The following ALK variants were observed in gnomAD, a reference collection of about 807,000 sequenced individuals.
ALK encodes the protein ALK receptor tyrosine kinase.
ALK carries 74 observed loss-of-function variants against 163.1 expected under a neutral mutation model. That is an observed-to-expected ratio of 0.45 (90% CI 0.38 to 0.55). The LOEUF (loss-of-function observed/expected upper bound fraction) is 0.55. ALK is among the 20% of genes least tolerant of loss of function. The probability of loss-of-function intolerance (pLI) is 0.00; values close to 1 mark genes in which losing one functional copy is unlikely to be tolerated. For missense variants in ALK, 2,063 were observed against 2,105.3 expected, an observed-to-expected ratio of 0.98 and a Z score of 0.39; for synonymous variants, 960 against 843.2, an observed-to-expected ratio of 1.14 and a Z score of -2.40.
intron 3 of ALK, among the ~76,000 whole-genome samples, chr2:29,682,024 C>T (rs772440731): frequency 6.6e-6 from 1 of 152,196 alleles, no homozygotes; most frequent in Non-Finnish European, 1.5e-5. Context: ...ATGTGTCACA[C>T]AAAAGACCAA....
At chr2:29,603,408 G>C (rs1675432704) in intron 3 of ALK, among the ~76,000 whole-genome samples, 2 of 152,162 alleles carry the variant, frequency 1.3e-5, no homozygotes, top group Non-Finnish European at 2.9e-5. Flanking sequence ...CCTGCTCTCT[G>C]TCATGTGATG....
rs1664035556 is a variant in ALK at position 29,227,365 on chromosome 2, C to A, written c.2914+209G>T. Among the ~76,000 whole-genome samples the A allele has an allele frequency of 6.6e-6, 1 of 152,198 alleles. No homozygotes were observed. Among genetic ancestry groups the A allele is most frequent in the African/African-American group, 2.4e-5 (1 of 41,454 alleles). ...TGCAGGTATTGGGCTATTACTGTTA[C>A]ATTTCCTAGGATTCTGCCTCTGCAT... is the stretch of plus-strand genomic sequence containing the variant. On this transcript the variant is annotated intron_variant, in intron 17 of 28. Coordinates refer to ENST00000389048, the MANE Select transcript of ALK (RefSeq NM_004304.5). This position sits in a 1 kb window ranked among gnomAD's most constrained non-coding sequence, Gnocchi z 4.4.
At chr2:29,198,471 C>T (rs1228802170) in intron 26 of ALK, among the ~76,000 whole-genome samples, 1 of 152,190 alleles carries the variant, frequency 6.6e-6, no homozygotes, top group African/African-American at 2.4e-5. Context: ...AGTCCTATAA[C>T]TTTCAAGATA....
intron 1 of ALK, among the ~76,000 whole-genome samples, chr2:29,743,602 G>C (rs1680122756): frequency 6.6e-6 from 1 of 152,214 alleles, no homozygotes; most frequent in Non-Finnish European, 1.5e-5. Flanking sequence ...TTTTGACAAA[G>C]TCCCTGAACA....
intron 3 of ALK, among the ~76,000 whole-genome samples, chr2:29,627,193 A>G (rs1676216165): frequency 6.6e-6 from 1 of 151,992 alleles, no homozygotes; most frequent in African/African-American, 2.4e-5. Context: ...CTAGACCACC[A>G]CGGTTCTGTT....
intron 12 of ALK, among the ~76,000 whole-genome samples, chr2:29,240,478 TTGACTTG>T (rs1267784039): frequency 6.6e-6 from 1 of 152,208 alleles, no homozygotes; most frequent in Non-Finnish European, 1.5e-5. Flanking sequence ...GTAGCCATAA[TTGACTTG>T]GTACAAAGTT....
intron 24 of ALK, among the ~76,000 whole-genome samples, chr2:29,212,114 AACAAAAG>A (rs1400220373): frequency 1.3e-5 from 2 of 152,206 alleles, no homozygotes; most frequent in South Asian, 2.1e-4. Context: ...AGAGATAAAA[AACAAAAG>A]ACAAGTAGAA....
At chr2:29,898,407 G>A (rs940956615) in intron 1 of ALK, among the ~76,000 whole-genome samples, 24 of 152,154 alleles carry the variant, frequency 1.6e-4, no homozygotes, top group Admixed American at 3.3e-4. Flanking sequence ...ATTAGATGAG[G>A]TGACTAATTA....
chr2:29,210,086 G>A (rs1200608003), intron 24 of ALK, among the ~76,000 whole-genome samples: 12 of 152,112 alleles, frequency 7.9e-5, no homozygotes, highest in Non-Finnish European at 1.5e-5. Context: ...AAGGATTAGG[G>A]GAAATGATTA....
At chr2:29,347,969 A>G (rs1668000036) in intron 5 of ALK, among the ~76,000 whole-genome samples, 1 of 152,132 alleles carries the variant, frequency 6.6e-6, no homozygotes, top group Non-Finnish European at 1.5e-5. Context: ...TGGTTCTGGG[A>G]CTACACCTTA....
intron 1 of ALK, among the ~76,000 whole-genome samples, chr2:29,782,120 C>T (rs182626442): frequency 1.3e-5 from 2 of 152,256 alleles, no homozygotes; most frequent in Non-Finnish European, 2.9e-5. Context: ...ATAATAGAAA[C>T]ACAAAAATGT....
intron 4 of ALK, among the ~76,000 whole-genome samples, chr2:29,501,959 T>A (rs1672199585): frequency 6.6e-6 from 1 of 152,194 alleles, no homozygotes; most frequent in Non-Finnish European, 1.5e-5. Context: ...CTGGTTAGCA[T>A]AATGTCTTCA....
At chr2:29,487,371 A>T (rs929521799) in intron 4 of ALK, among the ~76,000 whole-genome samples, 4 of 152,184 alleles carry the variant, frequency 2.6e-5, no homozygotes, top group African/African-American at 9.7e-5. Context: ...GTGGCCACAG[A>T]GCTGAGGAAA....
chr2:29,411,965 T>C (rs1669735283), intron 4 of ALK, among the ~76,000 whole-genome samples: 1 of 152,230 alleles, frequency 6.6e-6, no homozygotes, highest in Admixed American at 6.5e-5. Flanking sequence ...CAAGCAAGTT[T>C]CTTGATGCAG....
At chr2:29,890,493 G>A (rs1400849713) in intron 1 of ALK, 1 of 152,248 alleles carries the variant, frequency 6.6e-6, no homozygotes, top group Non-Finnish European at 1.5e-5. Context: ...TAGGGGACAG[G>A]ATTGCCTTTT....
In ALK at chr2:29,220,706, C is replaced by A; in HGVS notation, c.3645G>T (p.Pro1215=). ...KSFLRETRPR[P]SQPSSLAMLD... ...GCAGCAAAGACTGGTTCTCACTCAC[C>A]GGGCGAGGGCGGGTCTCTCGGAGGA... The change falls in exon 23 of 29, where the codon CCG becomes CCT. Residue 1215 remains proline, a splice_region_variant and synonymous_variant. Coordinates refer to ENST00000389048, the MANE Select transcript of ALK (RefSeq NM_004304.5). 7 of 1,613,510 alleles carry A rather than the reference C, an allele frequency of 4.3e-6. No homozygotes were observed. Among genetic ancestry groups the A allele is most frequent in the African/African-American group, 1.3e-5 (1 of 74,960 alleles).
intron 3 of ALK, among the ~76,000 whole-genome samples, chr2:29,687,836 G>GTAA (rs1457799685): frequency 1.3e-5 from 2 of 151,998 alleles, no homozygotes; most frequent in Admixed American, 1.3e-4. Flanking sequence ...ATGTATATGT[G>GTAA]TAATTGTGGT....
intron 11 of ALK, among the ~76,000 whole-genome samples, chr2:29,258,179 T>G (rs1040544878): frequency 6.6e-6 from 1 of 152,174 alleles, no homozygotes. Flanking sequence ...ACTGCAGCAT[T>G]TCCCAGATTC....
intron 11 of ALK, among the ~76,000 whole-genome samples, chr2:29,267,455 G>A (rs1043839262): frequency 1.3e-5 from 2 of 152,108 alleles, no homozygotes; most frequent in East Asian, 1.9e-4. Flanking sequence ...AACTATCCAG[G>A]CACCCCAAAT....
Sources: allele counts gnomAD v4.1 joint callset (sites outside exome capture counted in the v4.1 genomes callset), GRCh38; gene constraint gnomAD v4.1.1; non-coding constraint Gnocchi (gnomAD v3.1); transcripts MANE v1.5; gene names NCBI Gene and HGNC (gene_info 2026-07-23, HGNC 2026-07-21).